Variants in ST6GALNAC5 observed in about 807,000 individuals in gnomAD.
ST6GALNAC5 encodes ST6 N-acetylgalactosaminide alpha-2,6-sialyltransferase 5.
A neutral mutation model predicts 33.6 loss-of-function variants in ST6GALNAC5; 27 were observed. That is an observed-to-expected ratio of 0.80 (90% CI 0.59 to 1.11). The LOEUF is 1.11. Ranked by LOEUF, ST6GALNAC5 falls within the 50% of genes least tolerant of loss-of-function variation. The pLI, the probability that ST6GALNAC5 is intolerant of heterozygous loss-of-function variation, is 0.00. For synonymous variants in ST6GALNAC5, 194 were observed against 171.2 expected, an observed-to-expected ratio of 1.13 and a Z score of -1.04; for missense variants, 428 against 454.0, an observed-to-expected ratio of 0.94 and a Z score of 0.52.
intron 2 of ST6GALNAC5, among the ~76,000 whole-genome samples, chr1:76,961,529 C>T (rs776657766): frequency 9.9e-5 from 15 of 152,240 alleles, no homozygotes; most frequent in Middle Eastern, 3.4e-3. Context: ...CTGCCCATGC[C>T]GCCTTCTCCA....
intron 2 of ST6GALNAC5, among the ~76,000 whole-genome samples, chr1:76,875,140 G>A (rs1207607386): frequency 6.6e-6 from 1 of 152,012 alleles, no homozygotes; most frequent in African/African-American, 2.4e-5. Context: ...GACAATTACA[G>A]TCCTCGTTTC....
chr1:76,881,226 G>C (rs756578842), intron 2 of ST6GALNAC5, among the ~76,000 whole-genome samples: 6 of 152,256 alleles, frequency 3.9e-5, no homozygotes, highest in Middle Eastern at 3.4e-3. Context: ...AAAACTTTTG[G>C]GGGGAGGTAT....
chr1:76,993,924 A>T (rs28373469), intron 2 of ST6GALNAC5, among the ~76,000 whole-genome samples: 2 of 151,984 alleles, frequency 1.3e-5, no homozygotes, highest in Admixed American at 1.3e-4. Context: ...GGAAAAAAAG[A>T]AAAAAAAGGG....
chr1:76,883,674 C>T (rs1653833902), intron 2 of ST6GALNAC5, among the ~76,000 whole-genome samples: 1 of 152,176 alleles, frequency 6.6e-6, no homozygotes, highest in East Asian at 1.9e-4. Flanking sequence ...CAGGCCCAGG[C>T]TATTTATTTG....
At chr1:76,871,480 A>G (rs904796011) in intron 2 of ST6GALNAC5, 1 of 152,214 alleles carries the variant, frequency 6.6e-6, no homozygotes, top group Non-Finnish European at 1.5e-5. Context: ...CAGTTACATG[A>G]TGTTGTTAAC....
intron 4 of ST6GALNAC5, among the ~76,000 whole-genome samples, chr1:77,050,914 C>T (rs1475752142): frequency 6.6e-6 from 1 of 152,240 alleles, no homozygotes; most frequent in African/African-American, 2.4e-5. Context: ...TTCCTCCTGG[C>T]ATGTGCCCAG....
intron 2 of ST6GALNAC5, among the ~76,000 whole-genome samples, chr1:76,981,690 G>C (rs1437797650): frequency 6.6e-6 from 1 of 152,174 alleles, no homozygotes; most frequent in Non-Finnish European, 1.5e-5. Flanking sequence ...TCCTCAAGTG[G>C]GTCCCTGACC....
intron 2 of ST6GALNAC5, among the ~76,000 whole-genome samples, chr1:77,040,138 C>T (rs947494034): frequency 5.3e-5 from 8 of 152,136 alleles, no homozygotes; most frequent in Non-Finnish European, 1.2e-4. Flanking sequence ...AATTTTTTGC[C>T]ATTCTGCCTC....
intron 2 of ST6GALNAC5, among the ~76,000 whole-genome samples, chr1:76,888,568 A>G (rs1653947359): frequency 6.6e-6 from 1 of 151,796 alleles, no homozygotes; most frequent in Non-Finnish European, 1.5e-5. Context: ...TTTTTTCCCT[A>G]TTATTTAAAC....
rs1038542833 is a variant in ST6GALNAC5, at chr1:76,945,898, A to C, written c.261+77156A>C. 2.0e-5 allele frequency among the ~76,000 whole-genome samples: 3 copies of C among 152,232 alleles called. No homozygotes were observed. In the East Asian group the frequency reaches 5.8e-4, roughly 29 times the overall value. ...AGTCATTTAGGTAGTCACAGAAAAAAATAGCCTTTTATTGTTGTTGTTGGG... is the reference window on the plus strand; with the variant it reads ...AGTCATTTAGGTAGTCACAGAAAAACATAGCCTTTTATTGTTGTTGTTGGG... On this transcript the variant is annotated intron_variant, in intron 2 of 4. Coordinates refer to ENST00000477717, the MANE Select transcript of ST6GALNAC5 (RefSeq NM_030965.3).
At chr1:76,897,732 G>A (rs1017062229) in intron 2 of ST6GALNAC5, among the ~76,000 whole-genome samples, 2 of 152,180 alleles carry the variant, frequency 1.3e-5, no homozygotes, top group African/African-American at 4.8e-5. Context: ...TTTAGTTAAA[G>A]TGTCTCTGCC....
intron 2 of ST6GALNAC5, among the ~76,000 whole-genome samples, chr1:76,878,669 T>C (rs1241616578): frequency 1.5e-4 from 23 of 152,180 alleles, no homozygotes; most frequent in Admixed American, 1.5e-3. Context: ...TTCAAGGCGT[T>C]CTGGGTCTGT....
In ST6GALNAC5 at chr1:77,067,306, T is replaced by C. The variant is rs1279516058; in HGVS notation, c.*4100T>C. On this transcript the variant is annotated 3_prime_UTR_variant, in exon 5 of 5. Coordinates refer to ENST00000477717, the MANE Select transcript of ST6GALNAC5 (RefSeq NM_030965.3). ...GCTCACTCATCCCACCTTCTCAGGG[T>C]GTTGAAATGCAAATGCAAAAAGGCT... Among the ~76,000 whole-genome samples, 1 of 152,138 alleles carries C rather than the reference T, an allele frequency of 6.6e-6. No individual in the cohort carries two copies. The highest frequency in any genetic ancestry group is 1.5e-5 in the Non-Finnish European group (1 of 68,018).
intron 2 of ST6GALNAC5, among the ~76,000 whole-genome samples, chr1:76,869,277 C>T (rs895528452): frequency 6.6e-6 from 1 of 152,200 alleles, no homozygotes; most frequent in Non-Finnish European, 1.5e-5. Flanking sequence ...GCATGGAAGA[C>T]TTGAGGGACA....
intron 2 of ST6GALNAC5, among the ~76,000 whole-genome samples, chr1:76,971,255 T>A (rs564767194): frequency 4.3e-4 from 66 of 152,136 alleles, no homozygotes; most frequent in South Asian, 1.0e-3. Context: ...TGCGTCGTGA[T>A]GTCTTATTTA....
intron 2 of ST6GALNAC5, among the ~76,000 whole-genome samples, chr1:76,986,231 T>G (rs1418349747): frequency 6.6e-6 from 1 of 152,026 alleles, no homozygotes; most frequent in Non-Finnish European, 1.5e-5. Flanking sequence ...GCAGACAACC[T>G]AAAGAGTGGG....
At chr1:77,059,694 A>G (rs1652513034) in intron 4 of ST6GALNAC5, among the ~76,000 whole-genome samples, 1 of 152,062 alleles carries the variant, frequency 6.6e-6, no homozygotes, top group South Asian at 2.1e-4. Context: ...ATTTCTCCTC[A>G]TCTTTTTCCC....
chr1:76,918,354 T>C (rs1386834244), intron 2 of ST6GALNAC5, among the ~76,000 whole-genome samples: 1 of 151,384 alleles, frequency 6.6e-6, no homozygotes, highest in Non-Finnish European at 1.5e-5. Flanking sequence ...GCGCAGTGAC[T>C]CACACCTGTA....
chr1:76,878,914 G>T (rs771450279), intron 2 of ST6GALNAC5, among the ~76,000 whole-genome samples: 1 of 152,120 alleles, frequency 6.6e-6, no homozygotes, highest in Non-Finnish European at 1.5e-5. Context: ...GTCCATTAAG[G>T]TAGCTATGCC....
Sources: allele counts gnomAD v4.1 joint callset (sites outside exome capture counted in the v4.1 genomes callset), GRCh38; gene constraint gnomAD v4.1.1; transcripts MANE v1.5; gene names NCBI Gene and HGNC (gene_info 2026-07-23, HGNC 2026-07-21).